The following SGCZ variants were observed in gnomAD, a reference collection of about 807,000 sequenced individuals.
SGCZ encodes the protein sarcoglycan zeta.
SGCZ carries 40 observed loss-of-function variants against 41.3 expected under a neutral mutation model. The ratio of observed to expected loss-of-function variants is 0.97; its 90% CI spans 0.75 to 1.26. The LOEUF (loss-of-function observed/expected upper bound fraction) is 1.26, where lower values mean the gene tolerates loss of function less well. Among genes scored for constraint, SGCZ ranks in the 50% most tolerant of loss-of-function variants. The probability of loss-of-function intolerance (pLI) is 0.00; values close to 1 mark genes in which losing one functional copy is unlikely to be tolerated. For missense variants in SGCZ, 552 were observed against 369.8 expected (o/e 1.49, Z -4.04); for synonymous variants, 206 against 137.5 (o/e 1.50, Z -3.49).
chr8:14,102,282 A>C, intron 7 of SGCZ, 94 bp downstream of exon 7: 1 of 1,221,334 alleles, frequency 8.2e-7, no homozygotes, highest in East Asian at 2.9e-5. Flanking sequence ...ACTGAAAGAT[A>C]TTCCTTCACA....
intron 1 of SGCZ, among the ~76,000 whole-genome samples, chr8:15,113,207 CAAA>C (rs59453647): frequency 1.6e-5 from 2 of 128,176 alleles, no homozygotes. Context: ...AGACCTGGCT[CAAA>C]AAAAAAAAAA....
rs1806493357 is a variant in SGCZ, at chr8:14,229,678, A to G, written c.424+7914T>C. Reference sequence around the variant, plus strand: ...AAAAAAAAAAAGAGTCAATTAAAAAAAACATAAATTTGGAACCTGAGAATA... The same window carrying G: ...AAAAAAAAAAAGAGTCAATTAAAAAGAACATAAATTTGGAACCTGAGAATA... On this transcript the variant is annotated intron_variant, in intron 4 of 7. Transcript: ENST00000382080. Among the ~76,000 whole-genome samples the G allele has an allele frequency of 2.6e-5, 4 of 152,088 alleles. No homozygotes were observed. In the South Asian group the frequency reaches 8.3e-4, roughly 31 times the overall value.
At chr8:14,991,481 G>T (rs912442571) in intron 1 of SGCZ, among the ~76,000 whole-genome samples, 6 of 152,144 alleles carry the variant, frequency 3.9e-5, no homozygotes, top group Non-Finnish European at 7.4e-5. Flanking sequence ...AGGGCTTTGA[G>T]TGGCTCATAA....
chr8:14,528,028 A>T (rs73531046), intron 2 of SGCZ, among the ~76,000 whole-genome samples: 2,497 of 152,204 alleles, frequency 0.016, 62 homozygotes, highest in African/African-American at 0.058. Flanking sequence ...ATGGGAGGTG[A>T]TGCCTCAGTC....
chr8:15,187,458 G>C (rs1282174219), intron 1 of SGCZ, among the ~76,000 whole-genome samples: 1 of 152,000 alleles, frequency 6.6e-6, no homozygotes, highest in African/African-American at 2.4e-5. Context: ...CAGACAAATG[G>C]TTATAATACG....
chr8:15,100,491 A>G (rs1198271054), intron 1 of SGCZ, among the ~76,000 whole-genome samples: 1 of 152,208 alleles, frequency 6.6e-6, no homozygotes, highest in African/African-American at 2.4e-5. Flanking sequence ...ATGTTCATGA[A>G]TAGGAAGACT....
rs541189199 is a variant in SGCZ, at chr8:15,140,710, G to T, written c.39+96875C>A. On this transcript the variant is annotated intron_variant, in intron 1 of 7. Transcript: ENST00000382080. ...CTGTCTATAATATTTGTCTCTATAG[G>T]CGATTCAGAGAGCTTTCTTTTTAGT... 2.6e-5 allele frequency among the ~76,000 whole-genome samples: 4 copies of T among 151,984 alleles called. No individual in the cohort carries two copies. The South Asian group carries it at 8.3e-4, about 32-fold the overall frequency.
intron 2 of SGCZ, among the ~76,000 whole-genome samples, chr8:14,527,631 C>T (rs1802994304): frequency 6.6e-6 from 1 of 152,092 alleles, no homozygotes; most frequent in South Asian, 2.1e-4. Flanking sequence ...CCACAAGGTA[C>T]ACATGACTAT....
chr8:14,357,543 A>G (rs1803341569), intron 2 of SGCZ, among the ~76,000 whole-genome samples: 1 of 152,184 alleles, frequency 6.6e-6, no homozygotes, highest in African/African-American at 2.4e-5. Context: ...TAGATCAGGA[A>G]GTAACAAAAT....
intron 1 of SGCZ, among the ~76,000 whole-genome samples, chr8:14,686,609 C>T (rs759823629): frequency 1.6e-4 from 24 of 151,884 alleles, no homozygotes; most frequent in Non-Finnish European, 2.9e-4. Flanking sequence ...GAGATCATGG[C>T]TATTATTAAG....
chr8:14,756,571 G>C (rs746046653), intron 1 of SGCZ, among the ~76,000 whole-genome samples: 1 of 152,132 alleles, frequency 6.6e-6, no homozygotes, highest in Non-Finnish European at 1.5e-5. Flanking sequence ...ACATCATTAT[G>C]AGTTTGCATT....
chr8:14,850,433 G>C (rs1803273636), intron 1 of SGCZ, among the ~76,000 whole-genome samples: 1 of 152,120 alleles, frequency 6.6e-6, no homozygotes, highest in South Asian at 2.1e-4. Context: ...CAAAGGGATG[G>C]TTAGTTTTGA....
intron 2 of SGCZ, among the ~76,000 whole-genome samples, chr8:14,356,793 G>C (rs1165095830): frequency 2.0e-5 from 3 of 151,874 alleles, no homozygotes; most frequent in Non-Finnish European, 2.9e-5. Context: ...ATACTAGGTA[G>C]GGCCAATAAC....
intron 3 of SGCZ, among the ~76,000 whole-genome samples, chr8:14,293,762 T>C (rs924000166): frequency 1.3e-5 from 2 of 151,958 alleles, no homozygotes; most frequent in African/African-American, 4.8e-5. Context: ...AGGACTATAA[T>C]TAAGCATTTT....
At position 15,180,910 on chromosome 8, in the gene SGCZ, A is replaced by C. The variant is rs978831920; in HGVS notation, c.39+56675T>G. Among the ~76,000 whole-genome samples the C allele has an allele frequency of 3.8e-4, 58 of 152,100 alleles. 1 individual carries two copies. Among genetic ancestry groups the C allele is most frequent in the African/African-American group, 1.4e-3 (57 of 41,412 alleles). ...TCAAAAAAAAAAAAGAGAGGGAAAA[A>C]GACAGGATACCAGCACATAAACTGT... On this transcript the variant is annotated intron_variant, in intron 1 of 7. Coordinates refer to ENST00000382080, the MANE Select transcript of SGCZ (RefSeq NM_139167.4).
At chr8:15,214,931 G>C (rs1056536086) in intron 1 of SGCZ, among the ~76,000 whole-genome samples, 10 of 152,170 alleles carry the variant, frequency 6.6e-5, no homozygotes, top group African/African-American at 2.4e-4. Flanking sequence ...TAATGAGACT[G>C]TGATGAAAAC....
intron 1 of SGCZ, among the ~76,000 whole-genome samples, chr8:14,831,773 C>T (rs1049505803): frequency 1.3e-4 from 20 of 152,046 alleles, no homozygotes; most frequent in Admixed American, 3.9e-4. Context: ...TACATATATA[C>T]ACACACGTAT....
chr8:14,199,464 C>A (rs1805385297), intron 4 of SGCZ, among the ~76,000 whole-genome samples: 1 of 152,120 alleles, frequency 6.6e-6, no homozygotes. Context: ...CTCGCCCTGC[C>A]TCCATTTGCC....
At chr8:14,785,285 C>T (rs1347999546) in intron 1 of SGCZ, among the ~76,000 whole-genome samples, 1 of 151,812 alleles carries the variant, frequency 6.6e-6, no homozygotes, top group African/African-American at 2.4e-5. Flanking sequence ...AAGAACCAGA[C>T]AAAAAGTTGT....
Sources: allele counts gnomAD v4.1 joint callset (sites outside exome capture counted in the v4.1 genomes callset), GRCh38; gene constraint gnomAD v4.1.1; transcripts MANE v1.5; gene names NCBI Gene and HGNC (gene_info 2026-07-23, HGNC 2026-07-21).